The following CPEB3 variants were observed in gnomAD, a reference collection of about 807,000 sequenced individuals.
CPEB3 encodes the protein cytoplasmic polyadenylation element binding protein 3.
A neutral mutation model predicts 67.2 loss-of-function variants in CPEB3; 20 were observed. The ratio of observed to expected loss-of-function variants is 0.30; its 90% CI spans 0.21 to 0.43. CPEB3 has a LOEUF of 0.43. Ranked by LOEUF, CPEB3 falls within the 20% of genes least tolerant of loss-of-function variation. The pLI is 1.00. For missense variants in CPEB3, 746 were observed against 968.6 expected, an observed-to-expected ratio of 0.77 and a Z score of 3.05; for synonymous variants, 376 against 393.1, an observed-to-expected ratio of 0.96 and a Z score of 0.51.
At position 92,053,585 on chromosome 10, in the gene CPEB3, A is replaced by G. The variant is rs533527524; in HGVS notation, c.1870-1146T>C. Among the ~76,000 whole-genome samples the G allele has an allele frequency of 3.9e-3, 547 of 141,596 alleles. 6 individuals carry two copies. Among genetic ancestry groups the G allele is most frequent in the African/African-American group, 0.013 (511 of 38,056 alleles). 92.9% of individuals were successfully genotyped at this position (141,596 alleles called of 152,430 possible). A position where few individuals can be genotyped will look rare whatever the true frequency, so the allele number is the denominator to read the frequency against. ...GAGATGGAGTCTTGCTCTGTCGCCC[A>G]GGCTGGAGTGCAGTGGCACGATCTC... On this transcript the variant is annotated intron_variant, in intron 9 of 9. Transcript: ENST00000265997.
intron 2 of CPEB3, among the ~76,000 whole-genome samples, chr10:92,229,848 C>T (rs1851180715): frequency 2.0e-5 from 3 of 152,152 alleles, no homozygotes; most frequent in Admixed American, 2.0e-4. Context: ...AGGTCGGGAC[C>T]AGCCTGACCA....
intron 2 of CPEB3, among the ~76,000 whole-genome samples, chr10:92,228,247 T>C (rs1168214898): frequency 6.6e-6 from 1 of 152,190 alleles, no homozygotes; most frequent in African/African-American, 2.4e-5. Flanking sequence ...CAAAATCAAA[T>C]GCAAACACAG....
At chr10:92,063,970 AGTGTAGTATTGG>A (rs1429898692) in intron 9 of CPEB3, among the ~76,000 whole-genome samples, 1 of 152,188 alleles carries the variant, frequency 6.6e-6, no homozygotes, top group East Asian at 1.9e-4. Flanking sequence ...ACACAGCCAA[AGTGTAGTATTGG>A]GTCAAAAAAA....
intron 6 of CPEB3, among the ~76,000 whole-genome samples, chr10:92,114,856 G>A (rs928935372): frequency 6.6e-6 from 1 of 152,192 alleles, no homozygotes; most frequent in Admixed American, 6.5e-5. Flanking sequence ...GTATAAAAAG[G>A]TGTTTCATAA....
At chr10:92,198,629 A>G (rs1849353963) in intron 2 of CPEB3, among the ~76,000 whole-genome samples, 1 of 152,240 alleles carries the variant, frequency 6.6e-6, no homozygotes, top group South Asian at 2.1e-4. Flanking sequence ...CTCTGGAACC[A>G]AATGATAAAA....
chr10:92,202,524 A>T (rs1419109506), intron 2 of CPEB3, among the ~76,000 whole-genome samples: 1 of 150,542 alleles, frequency 6.6e-6, no homozygotes, highest in Non-Finnish European at 1.5e-5. Flanking sequence ...TAAATTATAA[A>T]ATTAAAAATA....
intron 1 of CPEB3, among the ~76,000 whole-genome samples, chr10:92,247,732 C>T (rs1852130921): frequency 6.6e-6 from 1 of 151,978 alleles, no homozygotes; most frequent in South Asian, 2.1e-4. Context: ...AGGCTGGTCT[C>T]GAACTCTTGA....
intron 2 of CPEB3, among the ~76,000 whole-genome samples, chr10:92,231,182 C>T (rs1462412621): frequency 1.3e-5 from 2 of 152,126 alleles, no homozygotes; most frequent in Admixed American, 1.3e-4. Flanking sequence ...CCCTAGTCTT[C>T]GGACCACCAT....
intron 6 of CPEB3, among the ~76,000 whole-genome samples, chr10:92,126,454 A>C (rs932899605): frequency 3.9e-5 from 6 of 152,204 alleles, no homozygotes; most frequent in African/African-American, 1.4e-4. Flanking sequence ...AGTTATGGCT[A>C]AAGGGCAGCT....
chr10:92,195,877 T>C (rs1849217248), intron 2 of CPEB3, among the ~76,000 whole-genome samples: 1 of 152,200 alleles, frequency 6.6e-6, no homozygotes, highest in Non-Finnish European at 1.5e-5. Flanking sequence ...AAAGAAATTA[T>C]TTAAATCCAT....
chr10:92,161,923 A>C (rs1012206507), intron 4 of CPEB3, among the ~76,000 whole-genome samples: 4 of 152,166 alleles, frequency 2.6e-5, no homozygotes, highest in African/African-American at 9.7e-5. Context: ...GGCCTCCCAA[A>C]GTGCTGGGAT....
intron 1 of CPEB3, among the ~76,000 whole-genome samples, chr10:92,261,437 C>CCGTTT (rs1554937114): frequency 1.3e-5 from 2 of 151,736 alleles, no homozygotes; most frequent in Non-Finnish European, 2.9e-5. Flanking sequence ...GTCCCTTTTT[C>CCGTTT]TGTTTTGTTT....
intron 6 of CPEB3, among the ~76,000 whole-genome samples, chr10:92,121,419 G>A (rs535110297): frequency 2.0e-5 from 3 of 148,742 alleles, no homozygotes; most frequent in South Asian, 2.1e-4. Context: ...GCGCGTGAGC[G>A]AGCATGCACG....
At chr10:92,060,890 A>C (rs1842316471) in intron 9 of CPEB3, among the ~76,000 whole-genome samples, 1 of 152,242 alleles carries the variant, frequency 6.6e-6, no homozygotes, top group Non-Finnish European at 1.5e-5. Flanking sequence ...TGTAGAGAAA[A>C]GGGAACCCTT....
Position 92,116,455 on chromosome 10 carries a change from A to G in CPEB3, c.1454-5261T>C, listed in dbSNP as rs1845035441. On this transcript the variant is annotated intron_variant, in intron 6 of 9. Transcript: ENST00000265997. ...ATATATGATTAGCCATTTCCCCCACAAGAATGTCAGATGTAGTATTATTTT... is the reference window on the plus strand; with the variant it reads ...ATATATGATTAGCCATTTCCCCCACGAGAATGTCAGATGTAGTATTATTTT... Among the ~76,000 whole-genome samples the G allele has an allele frequency of 3.3e-5, 5 of 151,988 alleles. No homozygotes were observed. The South Asian group carries it at 8.3e-4, about 25-fold the overall frequency.
At chr10:92,221,818 T>G (rs113973351) in intron 2 of CPEB3, among the ~76,000 whole-genome samples, 2 of 152,066 alleles carry the variant, frequency 1.3e-5, no homozygotes, top group African/African-American at 4.8e-5. Context: ...CCCCATCTCT[T>G]AAAAGAGGGA....
intron 4 of CPEB3, among the ~76,000 whole-genome samples, chr10:92,175,538 C>T (rs1406249608): frequency 6.6e-6 from 1 of 152,110 alleles, no homozygotes; most frequent in Non-Finnish European, 1.5e-5. Flanking sequence ...GTGGCCGTAT[C>T]ATTTTATTAA....
At chr10:92,198,915 C>A (rs1849368370) in intron 2 of CPEB3, among the ~76,000 whole-genome samples, 1 of 152,154 alleles carries the variant, frequency 6.6e-6, no homozygotes, top group African/African-American at 2.4e-5. Flanking sequence ...GAAAGGGACA[C>A]AGACAGGACC....
chr10:92,216,406 G>T lies in CPEB3; in HGVS notation c.1005+22940C>A, dbSNP rs1428861011. The T allele has an allele frequency of 6.2e-6, 10 of 1,612,568 alleles. No homozygotes were observed. The Admixed American group carries it at 1.5e-4, about 24-fold the overall frequency. On this transcript the variant is annotated intron_variant, in intron 2 of 9. Transcript: ENST00000265997. The stretch of plus-strand genomic sequence containing the variant: ...TGTGTTCCGGGGAGCGCACCTACCA[G>T]GAGCTGCTGGTCAACCAGAACCCCA...
Sources: allele counts gnomAD v4.1 joint callset (sites outside exome capture counted in the v4.1 genomes callset), GRCh38; gene constraint gnomAD v4.1.1; transcripts MANE v1.5; gene names NCBI Gene and HGNC (gene_info 2026-07-23, HGNC 2026-07-21).